BLNK: variants seen among roughly 807,000 people sequenced by gnomAD.
BLNK encodes B cell linker.
A neutral mutation model predicts 73.5 loss-of-function variants in BLNK; 29 were observed. That is an observed-to-expected ratio of 0.39 (90% CI 0.29 to 0.54). The LOEUF is 0.54. BLNK is among the 20% of genes least tolerant of loss of function. The pLI is 0.61. For synonymous variants in BLNK, 176 were observed against 200.8 expected (o/e 0.88, Z 1.04); for missense variants, 460 against 562.8 (o/e 0.82, Z 1.85).
intron 1 of BLNK, among the ~76,000 whole-genome samples, chr10:96,259,760 G>A (rs1449609393): frequency 2.4e-5 from 3 of 127,092 alleles, no homozygotes; most frequent in African/African-American, 9.1e-5. Flanking sequence ...ATGTCTGAAC[G>A]GCTGAGCTTG....
At chr10:96,249,481 T>G (rs1843186982) in intron 1 of BLNK, among the ~76,000 whole-genome samples, 1 of 152,242 alleles carries the variant, frequency 6.6e-6, no homozygotes, top group African/African-American at 2.4e-5. Context: ...CTCTGCTGGG[T>G]CTGCTCTATT....
chr10:96,226,177 T>G (rs1554902440), intron 5 of BLNK, among the ~76,000 whole-genome samples: 1 of 152,176 alleles, frequency 6.6e-6, no homozygotes, highest in Non-Finnish European at 1.5e-5. Flanking sequence ...CTTTCAGGAT[T>G]ATCGAGGAGG....
chr10:96,250,628 T>G (rs1030038248), intron 1 of BLNK, among the ~76,000 whole-genome samples: 3 of 152,158 alleles, frequency 2.0e-5, no homozygotes, highest in Non-Finnish European at 4.4e-5. Flanking sequence ...CTATCAGAAA[T>G]GTGTCAAAAA....
intron 6 of BLNK, among the ~76,000 whole-genome samples, chr10:96,221,069 A>T (rs1296458614): frequency 6.6e-6 from 1 of 152,250 alleles, no homozygotes; most frequent in Non-Finnish European, 1.5e-5. Flanking sequence ...TTGAATTCTT[A>T]TAAAAATACC....
rs1209922430 is a variant in BLNK, at chr10:96,200,344, A to AT, written c.1012-187dup. 4.2e-4 allele frequency among the ~76,000 whole-genome samples: 63 copies of AT among 151,080 alleles called. No individual in the cohort carries two copies. Among genetic ancestry groups the AT allele is most frequent in the Admixed American group, 3.5e-3 (53 of 15,154 alleles). Reference sequence around the variant, plus strand: ...ATTATACCGTTAACTTGTTTTTTGTATTTTTTTTTCATTTGGCCTTAGCTA... The same window carrying AT: ...ATTATACCGTTAACTTGTTTTTTGTATTTTTTTTTTCATTTGGCCTTAGCTA... On this transcript the variant is annotated intron_variant, in intron 14 of 16. Coordinates refer to ENST00000224337, the MANE Select transcript of BLNK (RefSeq NM_013314.4). This position sits in a 1 kb window ranked among gnomAD's most constrained non-coding sequence, Gnocchi z 4.3.
At chr10:96,229,882 C>T (rs1422435764) in intron 4 of BLNK, among the ~76,000 whole-genome samples, 1 of 152,162 alleles carries the variant, frequency 6.6e-6, no homozygotes, top group Non-Finnish European at 1.5e-5. Context: ...TCTGTATAAA[C>T]TCCAGGTAGT....
intron 1 of BLNK, among the ~76,000 whole-genome samples, chr10:96,249,506 T>C (rs1270877672): frequency 1.3e-5 from 2 of 152,268 alleles, no homozygotes; most frequent in African/African-American, 4.8e-5. Context: ...GCAGGCCCTC[T>C]AGCCCTTAGG....
At chr10:96,229,457 T>C (rs954259652) in intron 4 of BLNK, among the ~76,000 whole-genome samples, 1 of 152,236 alleles carries the variant, frequency 6.6e-6, no homozygotes, top group Non-Finnish European at 1.5e-5. Flanking sequence ...GAGTGAATGC[T>C]TACTCAGTCT....
intron 1 of BLNK, among the ~76,000 whole-genome samples, chr10:96,249,503 C>G (rs566955873): frequency 6.6e-6 from 1 of 152,340 alleles, no homozygotes; most frequent in South Asian, 2.1e-4. Flanking sequence ...AGGGCAGGCC[C>G]TCTAGCCCTT....
In BLNK at chr10:96,190,286, A is replaced by C. The variant is rs1591283663; in HGVS notation, c.*1687T>G. On this transcript the variant is annotated 3_prime_UTR_variant, in exon 17 of 17. Transcript: ENST00000224337. ...AGATAAACGACCACTGCTCAAGAGA[A>C]CAGCCATACAGGATGGAATCACGCC... The C allele has an allele frequency of 3.0e-6, 2 of 674,308 alleles. No individual in the cohort carries two copies. 41.8% of individuals were successfully genotyped at this position (674,308 alleles called of 1,614,324 possible). A position where few individuals can be genotyped will look rare whatever the true frequency, so the allele number is the denominator to read the frequency against.
At chr10:96,199,848 A>G (rs1554895647) in intron 15 of BLNK, 2 of 253,884 alleles carry the variant, frequency 7.9e-6, no homozygotes, top group African/African-American at 4.6e-5. Context: ...ACATGGTAAA[A>G]CCCCGTCTCT....
In BLNK at chr10:96,189,734, C is replaced by CATA. The variant is rs35341737; in HGVS notation, c.*2238_*2239insTAT. 3 of 728,960 alleles carry CATA rather than the reference C, an allele frequency of 4.1e-6. No individual in the cohort carries two copies. Among genetic ancestry groups the CATA allele is most frequent in the Non-Finnish European group, 7.5e-6 (3 of 398,886 alleles). 45.2% of individuals were successfully genotyped at this position (728,960 alleles called of 1,614,324 possible). A position where few individuals can be genotyped will look rare whatever the true frequency, so the allele number is the denominator to read the frequency against. On this transcript the variant is annotated 3_prime_UTR_variant, in exon 17 of 17. Transcript: ENST00000224337. Reference sequence around the variant, plus strand: ...TCATCATCATCATCATCATCATCATCTTCATCAGCAGCAAGTTTTACTTTT... The same window carrying CATA: ...TCATCATCATCATCATCATCATCATCATATTCATCAGCAGCAAGTTTTACTTTT...
In BLNK at chr10:96,196,878, T is replaced by C. The variant is rs782552788; in HGVS notation, c.1251+30A>G. 15 of 1,604,036 alleles carry C rather than the reference T, an allele frequency of 9.4e-6. No individual in the cohort carries two copies. The South Asian group carries it at 1.2e-4, about 13-fold the overall frequency. Reference sequence around the variant, plus strand: ...TGTCATTATACTCAATGCATAGTTATAGAATTGAATTTAAAAAGAAATCAC... The same window carrying C: ...TGTCATTATACTCAATGCATAGTTACAGAATTGAATTTAAAAAGAAATCAC... On this transcript the variant is annotated intron_variant, in intron 16 of 16. Transcript: ENST00000224337.
chr10:96,197,268 G>C (rs587615078), intron 15 of BLNK, among the ~76,000 whole-genome samples: 1 of 152,160 alleles, frequency 6.6e-6, no homozygotes, highest in East Asian at 1.9e-4. Context: ...AAAATCCTGA[G>C]TGAGATCAAT....
chr10:96,235,894 G>A (rs1378607281), intron 3 of BLNK, among the ~76,000 whole-genome samples: 1 of 152,020 alleles, frequency 6.6e-6, no homozygotes, highest in Non-Finnish European at 1.5e-5. Flanking sequence ...ACACAAATCT[G>A]ATGTGCTGCC....
At chr10:96,239,627 T>G (rs1016933455) in intron 3 of BLNK, among the ~76,000 whole-genome samples, 1 of 151,940 alleles carries the variant, frequency 6.6e-6, no homozygotes, top group Admixed American at 6.6e-5. Flanking sequence ...GCAATGGGAA[T>G]AGAGAGGGAA....
At chr10:96,201,125 C>A in intron 13 of BLNK, 67 bp from the exon 14 acceptor site, 1 of 1,377,186 alleles carries the variant, frequency 7.3e-7, no homozygotes. Context: ...ATGCCTATCC[C>A]CTAACACTGT....
chr10:96,258,378 A>G (rs1843608821), intron 1 of BLNK, among the ~76,000 whole-genome samples: 1 of 152,092 alleles, frequency 6.6e-6, no homozygotes, highest in Non-Finnish European at 1.5e-5. Flanking sequence ...TATACAGCTG[A>G]CTCCGAATTT....
At chr10:96,219,132 A>G (rs1274768682) in intron 6 of BLNK, among the ~76,000 whole-genome samples, 1 of 152,216 alleles carries the variant, frequency 6.6e-6, no homozygotes, top group Non-Finnish European at 1.5e-5. Flanking sequence ...CACAGTGTCA[A>G]ACTATGAACT....
Sources: allele counts gnomAD v4.1 joint callset (sites outside exome capture counted in the v4.1 genomes callset), GRCh38; gene constraint gnomAD v4.1.1; non-coding constraint Gnocchi (gnomAD v3.1); transcripts MANE v1.5; gene names NCBI Gene and HGNC (gene_info 2026-07-23, HGNC 2026-07-21).